The following MCTP1 variants were observed in gnomAD, a reference collection of about 807,000 sequenced individuals.
MCTP1 encodes multiple C2 and transmembrane domain-containing protein 1.
Under a neutral mutation model 120.6 loss-of-function variants are expected in MCTP1, and 69 were observed. That is an observed-to-expected ratio of 0.57 (90% CI 0.47 to 0.70). The LOEUF is 0.70. Ranked by LOEUF, MCTP1 falls within the 30% of genes least tolerant of loss-of-function variation. The pLI is 0.00. For missense variants in MCTP1, 1,203 were observed against 1,248.8 expected (o/e 0.96, Z 0.55); for synonymous variants, 529 against 493.1 (o/e 1.07, Z -0.96).
chr5:94,716,406 AAAGTT>A (rs916622129), intron 19 of MCTP1, among the ~76,000 whole-genome samples: 1 of 152,108 alleles, frequency 6.6e-6, no homozygotes, highest in Non-Finnish European at 1.5e-5. Flanking sequence ...AAAAAAAAAA[AAAGTT>A]AGTTTCACCT....
intron 2 of MCTP1, among the ~76,000 whole-genome samples, chr5:94,983,635 ATCTTTATCTG>A (rs1333979878): frequency 7.1e-6 from 1 of 140,618 alleles, no homozygotes; most frequent in Non-Finnish European, 1.5e-5. Flanking sequence ...CTGAGATCCT[ATCTTTATCTG>A]TCTGTCTGTC....
intron 1 of MCTP1, among the ~76,000 whole-genome samples, chr5:95,023,111 C>T (rs533065630): frequency 8.5e-4 from 129 of 152,192 alleles, no homozygotes; most frequent in African/African-American, 3.0e-3. Flanking sequence ...CAGTGAGGCC[C>T]AGCTAAGGAG....
intron 17 of MCTP1, among the ~76,000 whole-genome samples, chr5:94,832,879 G>A (rs1031532288): frequency 1.3e-5 from 2 of 152,196 alleles, no homozygotes; most frequent in African/African-American, 4.8e-5. Context: ...CGTGTCATGA[G>A]CTGCAAGGGG....
intron 17 of MCTP1, among the ~76,000 whole-genome samples, chr5:94,863,682 T>C (rs779190721): frequency 7.2e-5 from 11 of 151,918 alleles, no homozygotes; most frequent in Non-Finnish European, 1.3e-4. Flanking sequence ...AAAATCCATA[T>C]GTTGTTTAAT....
At chr5:95,070,327 C>CTGAGTGCAACACCTTGCACT (rs568415069) in intron 1 of MCTP1, among the ~76,000 whole-genome samples, 7 of 152,218 alleles carry the variant, frequency 4.6e-5, no homozygotes, top group African/African-American at 1.4e-4. Context: ...CTCAGCACTG[C>CTGAGTGCAACACCTTGCACT]TGAGTGCAAC....
intron 1 of MCTP1, among the ~76,000 whole-genome samples, chr5:95,090,615 C>G (rs563346128): frequency 6.6e-6 from 1 of 152,152 alleles, no homozygotes; most frequent in Non-Finnish European, 1.5e-5. Context: ...CTCTACTCAT[C>G]GCTGCTACTT....
intron 17 of MCTP1, among the ~76,000 whole-genome samples, chr5:94,823,062 A>AT (rs1786054260): frequency 6.6e-6 from 1 of 152,240 alleles, no homozygotes; most frequent in African/African-American, 2.4e-5. Context: ...ATTAGATTCC[A>AT]TTTGTCAATT....
intron 17 of MCTP1, among the ~76,000 whole-genome samples, chr5:94,831,147 TA>T (rs1788422326): frequency 6.6e-6 from 1 of 152,178 alleles, no homozygotes; most frequent in Non-Finnish European, 1.5e-5. Context: ...CCAATATTAG[TA>T]AAACATGCCG....
chr5:95,260,433 T>G (rs1758367781), intron 1 of MCTP1, among the ~76,000 whole-genome samples: 1 of 152,074 alleles, frequency 6.6e-6, no homozygotes, highest in South Asian at 2.1e-4. Flanking sequence ...GCCAAACAAC[T>G]CATTACAAAA....
chr5:94,995,220 T>C (rs1206782890), intron 2 of MCTP1, among the ~76,000 whole-genome samples: 1 of 152,162 alleles, frequency 6.6e-6, no homozygotes, highest in Admixed American at 6.6e-5. Context: ...TTCTCAAACT[T>C]CAACATGCAT....
At chr5:94,730,822 T>C (rs1225811817) in intron 19 of MCTP1, among the ~76,000 whole-genome samples, 1 of 152,142 alleles carries the variant, frequency 6.6e-6, no homozygotes, top group Non-Finnish European at 1.5e-5. Context: ...AAGTAGATAC[T>C]TGTCACCATT....
chr5:95,172,005 C>T (rs1035381760), intron 1 of MCTP1, among the ~76,000 whole-genome samples: 9 of 152,160 alleles, frequency 5.9e-5, no homozygotes, highest in Non-Finnish European at 8.8e-5. Context: ...GAAATTTCAG[C>T]TTTTCTGCTC....
chr5:95,188,867 T>C (rs1052330388), intron 1 of MCTP1, among the ~76,000 whole-genome samples: 6 of 152,260 alleles, frequency 3.9e-5, no homozygotes, highest in Non-Finnish European at 5.9e-5. Flanking sequence ...CAGTAGATGA[T>C]AACAATGTCA....
At chr5:94,823,031 G>A (rs1411015269) in intron 17 of MCTP1, among the ~76,000 whole-genome samples, 2 of 152,126 alleles carry the variant, frequency 1.3e-5, no homozygotes. Flanking sequence ...TTCTTTTGCT[G>A]TGCAGGAGCT....
chr5:94,948,859 G>C (rs896112319), intron 3 of MCTP1, among the ~76,000 whole-genome samples: 1 of 152,048 alleles, frequency 6.6e-6, no homozygotes, highest in Admixed American at 6.6e-5. Context: ...ATTGATATGT[G>C]ACATTTTTTA....
intron 13 of MCTP1, among the ~76,000 whole-genome samples, chr5:94,871,782 A>C (rs1797895230): frequency 6.6e-6 from 1 of 152,100 alleles, no homozygotes; most frequent in Non-Finnish European, 1.5e-5. Flanking sequence ...ATACCTTCCC[A>C]TTATCCCTAC....
chr5:94,746,680 G>A (rs547727439), intron 19 of MCTP1, among the ~76,000 whole-genome samples: 2 of 152,112 alleles, frequency 1.3e-5, no homozygotes, highest in African/African-American at 2.4e-5. Flanking sequence ...CTGTTTCTTT[G>A]TCTTCTCATG....
At chr5:94,818,516 A>G (rs746699641) in intron 17 of MCTP1, among the ~76,000 whole-genome samples, 3 of 152,344 alleles carry the variant, frequency 2.0e-5, no homozygotes, top group Non-Finnish European at 4.4e-5. Context: ...TCAACAGGCC[A>G]TATGGAGTTT....
At chr5:94,945,761 C>T (rs1011072118) in intron 3 of MCTP1, among the ~76,000 whole-genome samples, 41 of 152,090 alleles carry the variant, frequency 2.7e-4, no homozygotes, top group African/African-American at 8.9e-4. Context: ...GAAAGGACAA[C>T]GAGAGTGGGA....
Sources: allele counts gnomAD v4.1 joint callset (sites outside exome capture counted in the v4.1 genomes callset), GRCh38; gene constraint gnomAD v4.1.1; transcripts MANE v1.5; gene names NCBI Gene and HGNC (gene_info 2026-07-23, HGNC 2026-07-21).